Variants in PDE4B observed in about 807,000 individuals in gnomAD.
The protein encoded by PDE4B is phosphodiesterase 4B.
In PDE4B, 20 loss-of-function variants were observed where a neutral mutation model predicts 82.2. That is an observed-to-expected ratio of 0.24 (90% CI 0.17 to 0.35). The LOEUF is 0.35. PDE4B is among the 10% of genes least tolerant of loss of function. The probability of loss-of-function intolerance (pLI) is 1.00; values close to 1 mark genes in which losing one functional copy is unlikely to be tolerated. For synonymous variants in PDE4B, 320 were observed against 318.9 expected (o/e 1.00, Z -0.04); for missense variants, 655 against 907.2 (o/e 0.72, Z 3.57).
At chr1:66,096,374 A>T (rs1019166807) in intron 3 of PDE4B, among the ~76,000 whole-genome samples, 1 of 151,182 alleles carries the variant, frequency 6.6e-6, no homozygotes, top group African/African-American at 2.4e-5. Flanking sequence ...ATGAGTTTCG[A>T]CAAATGCATA....
At chr1:65,866,612 A>C (rs563582668) in intron 1 of PDE4B, among the ~76,000 whole-genome samples, 1 of 152,238 alleles carries the variant, frequency 6.6e-6, no homozygotes, top group Non-Finnish European at 1.5e-5. Context: ...TTACTAGGTC[A>C]CGTAAAGCTA....
intron 3 of PDE4B, among the ~76,000 whole-genome samples, chr1:65,936,339 G>T (rs954242684): frequency 4.6e-5 from 7 of 152,078 alleles, no homozygotes; most frequent in African/African-American, 1.4e-4. Context: ...CAGTAGGTTT[G>T]TTTACACCAG....
Position 66,025,663 on chromosome 1 carries a change from T to G in PDE4B, c.281+106828T>G, listed in dbSNP as rs371206623. Among the ~76,000 whole-genome samples, 18 of 152,326 alleles carry G rather than the reference T, an allele frequency of 1.2e-4. No homozygotes were observed. In the East Asian group the frequency reaches 3.1e-3, roughly 26 times the overall value. On this transcript the variant is annotated intron_variant, in intron 3 of 16. Transcript: ENST00000341517. ...TTTCCATGTGAGTTTCCTAATTCTGTGTATGGTGTCACCATTCTCTGGGTG... is the reference window on the plus strand; with the variant it reads ...TTTCCATGTGAGTTTCCTAATTCTGGGTATGGTGTCACCATTCTCTGGGTG...
At chr1:66,113,782 T>TATTA (rs1423633564) in intron 3 of PDE4B, among the ~76,000 whole-genome samples, 2 of 152,224 alleles carry the variant, frequency 1.3e-5, no homozygotes, top group African/African-American at 2.4e-5. Context: ...TTCTTTAAAC[T>TATTA]ATAATACTAC....
chr1:65,822,701 A>G (rs1645967006), intron 1 of PDE4B, among the ~76,000 whole-genome samples: 1 of 152,094 alleles, frequency 6.6e-6, no homozygotes, highest in Non-Finnish European at 1.5e-5. Context: ...CGCTGCTTCT[A>G]CCACATGAGG....
chr1:65,931,753 C>T (rs758777579), intron 3 of PDE4B, among the ~76,000 whole-genome samples: 1 of 152,160 alleles, frequency 6.6e-6, no homozygotes, highest in Non-Finnish European at 1.5e-5. Context: ...AATCCCTACC[C>T]ACAGCTCAAT....
chr1:66,185,290 G>A (rs112598664), intron 3 of PDE4B, among the ~76,000 whole-genome samples: 6,014 of 152,146 alleles, frequency 0.04, 230 homozygotes, highest in African/African-American at 0.1. Flanking sequence ...GAATAGTGCC[G>A]CAATAAACAT....
intron 12 of PDE4B, among the ~76,000 whole-genome samples, chr1:66,364,081 A>G (rs783038): frequency 0.8 from 121,675 of 152,124 alleles, 49,292 homozygotes; most frequent in East Asian, 0.94. Flanking sequence ...ATCTCAAAAT[A>G]TCTTGTTCAG....
At chr1:66,323,889 G>A (rs1570693323) in intron 7 of PDE4B, among the ~76,000 whole-genome samples, 1 of 152,114 alleles carries the variant, frequency 6.6e-6, no homozygotes, top group Admixed American at 6.6e-5. Context: ...TACTTTGTTA[G>A]AAAAATAATT....
At chr1:66,155,064 G>C (rs2101219256) in intron 3 of PDE4B, among the ~76,000 whole-genome samples, 1 of 152,250 alleles carries the variant, frequency 6.6e-6, no homozygotes, top group Non-Finnish European at 1.5e-5. Flanking sequence ...GGGAGGTTGA[G>C]TCTGCAGTGA....
intron 7 of PDE4B, among the ~76,000 whole-genome samples, chr1:66,315,632 T>A (rs1171844715): frequency 2.0e-5 from 3 of 151,534 alleles, no homozygotes; most frequent in Admixed American, 6.6e-5. Flanking sequence ...ATTTTTGTAT[T>A]TTTTTTTAAT....
chr1:65,828,065 G>A (rs961724858), intron 1 of PDE4B, among the ~76,000 whole-genome samples: 3 of 151,848 alleles, frequency 2.0e-5, no homozygotes, highest in African/African-American at 7.3e-5. Flanking sequence ...AAAATTAAAC[G>A]CCTTCTCAGA....
chr1:65,998,809 C>T (rs763893167), intron 3 of PDE4B, among the ~76,000 whole-genome samples: 14 of 151,376 alleles, frequency 9.2e-5, no homozygotes, highest in Non-Finnish European at 2.1e-4. Context: ...CCTATTAGCT[C>T]AGTCCTAATT....
chr1:66,097,935 G>C (rs968415431), intron 3 of PDE4B, among the ~76,000 whole-genome samples: 2 of 150,866 alleles, frequency 1.3e-5, no homozygotes, highest in Non-Finnish European at 2.9e-5. Flanking sequence ...TTTTGAATCA[G>C]TTTGATCCTT....
chr1:66,188,387 C>A (rs1007168101), intron 3 of PDE4B, among the ~76,000 whole-genome samples: 4 of 151,278 alleles, frequency 2.6e-5, no homozygotes, highest in Non-Finnish European at 3.0e-5. Flanking sequence ...TCCTGGGTAT[C>A]CTTGTTAACT....
rs138371281 is a variant in PDE4B, at chr1:66,328,307, G to A, written c.635-4201G>A. Among the ~76,000 whole-genome samples the A allele has an allele frequency of 1.9e-3, 287 of 152,304 alleles. 1 individual carries two copies. Among genetic ancestry groups the A allele is most frequent in the Middle Eastern group, 0.01 (3 of 294 alleles). On this transcript the variant is annotated intron_variant, in intron 7 of 16. Coordinates refer to ENST00000341517, the MANE Select transcript of PDE4B (RefSeq NM_002600.4). ...TTCTCCCTACTTCTTCCCTCTGGAA[G>A]TTTTTGAAAGCGAAGTTCAACTGCA...
At chr1:66,102,481 T>C (rs1645246944) in intron 3 of PDE4B, among the ~76,000 whole-genome samples, 1 of 152,072 alleles carries the variant, frequency 6.6e-6, no homozygotes, top group African/African-American at 2.4e-5. Flanking sequence ...GCAGTATTGT[T>C]GGTTTAGAGA....
At chr1:66,080,965 C>T (rs1341218574) in intron 3 of PDE4B, among the ~76,000 whole-genome samples, 1 of 151,972 alleles carries the variant, frequency 6.6e-6, no homozygotes, top group Non-Finnish European at 1.5e-5. Flanking sequence ...CATGTGTATC[C>T]AATATTTAGC....
intron 3 of PDE4B, among the ~76,000 whole-genome samples, chr1:66,230,467 TA>T (rs1651861847): frequency 6.6e-6 from 1 of 152,186 alleles, no homozygotes; most frequent in Admixed American, 6.5e-5. Flanking sequence ...TTTACAACTT[TA>T]AAAAATCAAA....
Sources: allele counts gnomAD v4.1 joint callset (sites outside exome capture counted in the v4.1 genomes callset), GRCh38; gene constraint gnomAD v4.1.1; transcripts MANE v1.5; gene names NCBI Gene and HGNC (gene_info 2026-07-23, HGNC 2026-07-21).